Variants in TNRC18 observed in about 807,000 individuals in gnomAD.
TNRC18 encodes trinucleotide repeat containing 18, also known as trinucleotide repeat-containing gene 18 protein.
TNRC18 carries 69 observed loss-of-function variants against 226.7 expected under a neutral mutation model. The observed-to-expected ratio is 0.30, with a 90% CI of 0.25 to 0.37. TNRC18 has a LOEUF of 0.37. Among genes scored for constraint, TNRC18 ranks in the 10% least tolerant of loss-of-function variants. The pLI, the probability that TNRC18 is intolerant of heterozygous loss-of-function variation, is 1.00. For synonymous variants in TNRC18, 2,449 were observed against 1,927.6 expected (o/e 1.27, Z -7.09); for missense variants, 4,754 against 4,256.6 (o/e 1.12, Z -3.25).
rs1253052163 is a variant in TNRC18 at position 5,388,848 on chromosome 7, G to A, written c.976C>T (p.Pro326Ser). The change falls in exon 5 of 30, where the codon CCT (proline) becomes TCT (serine). Residue 326 changes from proline to serine, a missense_variant. Pro to Ser is a moderately conservative substitution (Grantham distance 74). Coordinates refer to ENST00000430969, the MANE Select transcript of TNRC18 (RefSeq NM_001080495.3). ...GGTGAGGGGCAGGGGCGCGGCCCAGGGAGCAGGGTCTCCGTGCGCCGCAGC... is the reference window on the plus strand; with the variant it reads ...GGTGAGGGGCAGGGGCGCGGCCCAGAGAGCAGGGTCTCCGTGCGCCGCAGC... ...RLLRRTETLL[P>S]GPRPCPSPLP... 1.6e-6 allele frequency: 2 copies of A among 1,244,878 alleles called. No homozygotes were observed. Among genetic ancestry groups the A allele is most frequent in the Non-Finnish European group, 2.0e-6 (2 of 990,434 alleles). The allele number at this position is 1,244,878 out of a possible 1,614,324, so 77.1% of individuals were successfully genotyped here. A position where few individuals can be genotyped will look rare whatever the true frequency, so the allele number is the denominator to read the frequency against.
intron 27 of TNRC18, among the ~76,000 whole-genome samples, chr7:5,310,521 C>T (rs894458660): frequency 3.3e-5 from 5 of 152,136 alleles, no homozygotes; most frequent in Non-Finnish European, 7.3e-5. Context: ...AGGTGTGAGC[C>T]ACTGCGCCCG....
chr7:5,395,262 C>T (rs1304681886), intron 2 of TNRC18, among the ~76,000 whole-genome samples: 5 of 152,190 alleles, frequency 3.3e-5, no homozygotes, highest in African/African-American at 1.2e-4. Flanking sequence ...GGAATGAATC[C>T]GTGATGAATG....
At chr7:5,316,100 G>C in intron 24 of TNRC18, 28 bp from the exon 25 acceptor site, 1 of 1,580,164 alleles carries the variant, frequency 6.3e-7, no homozygotes, top group South Asian at 1.1e-5. Flanking sequence ...GCTCAGGGGA[G>C]GCCCTCGGAC....
chr7:5,367,675 G>A (rs567448608), intron 11 of TNRC18, among the ~76,000 whole-genome samples: 5 of 151,494 alleles, frequency 3.3e-5, no homozygotes, highest in East Asian at 2.0e-4. Flanking sequence ...TGATCTGCCC[G>A]CCTCGGCCTC....
chr7:5,375,321 A>C (rs112513956), intron 9 of TNRC18, among the ~76,000 whole-genome samples: 1 of 151,596 alleles, frequency 6.6e-6, no homozygotes, highest in African/African-American at 2.4e-5. Context: ...AAAAACAACA[A>C]AAACAAACAA....
At chr7:5,321,026 CG>C (rs1562488700) in intron 22 of TNRC18, 46 bp downstream of exon 22, 2 of 1,352,086 alleles carry the variant, frequency 1.5e-6, no homozygotes, top group Non-Finnish European at 2.0e-6. Flanking sequence ...GGACACGGGG[CG>C]GGTATGGGAC....
chr7:5,377,784 G>T lies in TNRC18; in HGVS notation c.2255+138C>A. On this transcript the variant is annotated intron_variant, in intron 6 of 29. Transcript: ENST00000430969. This position sits in a 1 kb window ranked among gnomAD's most constrained non-coding sequence, Gnocchi z 5.8. Reference sequence around the variant, plus strand: ...TGGGCAGGGCTGGCCCGATGCTGAGGACCAGAGTGACTCCCGCTCTCAGTA... The same window carrying T: ...TGGGCAGGGCTGGCCCGATGCTGAGTACCAGAGTGACTCCCGCTCTCAGTA... 1 of 1,006,072 alleles carries T rather than the reference G, an allele frequency of 9.9e-7. No individual in the cohort carries two copies. Among genetic ancestry groups the T allele is most frequent in the Non-Finnish European group, 1.5e-6 (1 of 679,868 alleles). 62.3% of individuals were successfully genotyped at this position (1,006,072 alleles called of 1,614,324 possible). A position where few individuals can be genotyped will look rare whatever the true frequency, so the allele number is the denominator to read the frequency against.
At chr7:5,308,837 T>TAG in intron 29 of TNRC18, 38 bp downstream of exon 29, 1 of 834,148 alleles carries the variant, frequency 1.2e-6, no homozygotes, top group African/African-American at 1.7e-5. Context: ...GAAGCAGCCA[T>TAG]CCCCAACCCG....
chr7:5,361,636 G>A lies in TNRC18; in HGVS notation c.4619C>T (p.Ser1540Leu), dbSNP rs773385194. 4.9e-5 allele frequency: 76 copies of A among 1,549,410 alleles called. No individual in the cohort carries two copies. Among genetic ancestry groups the A allele is most frequent in the Non-Finnish European group, 6.3e-5 (72 of 1,148,730 alleles). The part of the protein sequence containing the change: ...RKRTHAPSAL[S>L]PPRKRGKSGH... The stretch of plus-strand genomic sequence containing the variant: ...GCTCTTCCCTCTCTTGCGGGGGGGC[G>A]ACAGGGCGCTCGGGGCGTGGGTCCG... Residue 1540 changes from serine to leucine, a missense_variant, in exon 14 of 30, where the codon TCG (serine) becomes TTG (leucine). Physicochemically the swap from Ser to Leu is moderately radical, Grantham distance 145. Coordinates refer to ENST00000430969, the MANE Select transcript of TNRC18 (RefSeq NM_001080495.3).
At chr7:5,340,231 T>C (rs184926744) in intron 18 of TNRC18, among the ~76,000 whole-genome samples, 54 of 152,214 alleles carry the variant, frequency 3.5e-4, no homozygotes, top group South Asian at 1.9e-3. Context: ...AACACACAAA[T>C]AAGAAAGTGA....
At chr7:5,413,425 C>T (rs994640255) in intron 2 of TNRC18, among the ~76,000 whole-genome samples, 3 of 152,202 alleles carry the variant, frequency 2.0e-5, no homozygotes, top group Non-Finnish European at 4.4e-5. Flanking sequence ...AGGGCCATAA[C>T]CCTGGACACC....
chr7:5,393,658 C>T (rs1449979015), intron 3 of TNRC18, among the ~76,000 whole-genome samples: 1 of 152,144 alleles, frequency 6.6e-6, no homozygotes, highest in Non-Finnish European at 1.5e-5. Flanking sequence ...TACCTAGCGC[C>T]CAACATCCAG....
intron 5 of TNRC18, among the ~76,000 whole-genome samples, chr7:5,385,640 T>C (rs1456514395): frequency 6.7e-6 from 1 of 148,364 alleles, no homozygotes; most frequent in Non-Finnish European, 1.5e-5. Context: ...GCCAAGATCA[T>C]ACCACTGCAC....
chr7:5,333,117 T>C (rs1480761424), intron 18 of TNRC18, 68 bp from the exon 19 acceptor site: 11 of 1,500,780 alleles, frequency 7.3e-6, no homozygotes, highest in Admixed American at 4.0e-5. Flanking sequence ...CCCAGCCACA[T>C]GGACACCATT....
chr7:5,390,595 G>A lies in TNRC18; in HGVS notation c.377C>T (p.Ser126Phe). ...FSHLPSGLYP[S>F]YLHLNHLEPP... Reference sequence around the variant, plus strand: ...CTCCAGGTGGTTCAGGTGGAGGTAGGATGGGTACAGCCCACTGGGCAGGTG... The same window carrying A: ...CTCCAGGTGGTTCAGGTGGAGGTAGAATGGGTACAGCCCACTGGGCAGGTG... The change falls in exon 4 of 30, where the codon TCC becomes TTC. Residue 126 changes from serine to phenylalanine, a missense_variant. Ser to Phe is a radical substitution (Grantham distance 155). Transcript: ENST00000430969. The A allele has an allele frequency of 6.2e-7, 1 of 1,611,130 alleles. No homozygotes were observed. The highest frequency in any genetic ancestry group is 8.5e-7 in the Non-Finnish European group (1 of 1,178,716).
At chr7:5,368,473 G>A (rs969064458) in intron 11 of TNRC18, among the ~76,000 whole-genome samples, 27 of 152,128 alleles carry the variant, frequency 1.8e-4, no homozygotes, top group African/African-American at 2.7e-4. Context: ...GACCAGCCTG[G>A]CCAACATGGT....
chr7:5,416,929 G>A (rs1487041612), intron 2 of TNRC18, among the ~76,000 whole-genome samples: 2 of 151,858 alleles, frequency 1.3e-5, no homozygotes, highest in South Asian at 4.2e-4. Context: ...GCTGCAATGA[G>A]CTATAAACGC....
intron 2 of TNRC18, among the ~76,000 whole-genome samples, chr7:5,404,763 A>AGTGTGTGTGTGTGTGTGTGTGTGT (rs57464872): frequency 1.4e-5 from 2 of 147,232 alleles, no homozygotes; most frequent in African/African-American, 5.0e-5. Flanking sequence ...GCACACTTTC[A>AGTGTGTGTGTGTGTGTGTGTGTGT]GTGTGTGTGT....
chr7:5,335,301 C>CAAAAAAAAA (rs1167746227), intron 18 of TNRC18, among the ~76,000 whole-genome samples: 1 of 58,520 alleles, frequency 1.7e-5, no homozygotes, highest in Non-Finnish European at 3.0e-5. Context: ...GAATCTGTCT[C>CAAAAAAAAA]AAAAAAAAAA....
Sources: gnomAD v4.1 joint callset for allele counts (sites outside exome capture counted in the v4.1 genomes callset) on GRCh38, gnomAD v4.1.1 for gene constraint, Gnocchi (gnomAD v3.1) non-coding constraint, MANE v1.5 for transcripts, NCBI Gene and HGNC (gene_info 2026-07-23, HGNC 2026-07-21) for gene names.